Variants in SLC39A11 observed in about 807,000 individuals in gnomAD.
SLC39A11 encodes the protein zinc transporter ZIP11.
Under a neutral mutation model 36.1 loss-of-function variants are expected in SLC39A11, and 33 were observed. The ratio of observed to expected loss-of-function variants is 0.91; its 90% confidence interval spans 0.69 to 1.22. The LOEUF (loss-of-function observed/expected upper bound fraction) is 1.22. SLC39A11 is among the 50% of genes most tolerant of loss of function. The pLI is 0.00. For missense variants in SLC39A11, 432 were observed against 430.3 expected (o/e 1.00, Z -0.03); for synonymous variants, 166 against 170.3 (o/e 0.97, Z 0.20).
Position 72,930,408 on chromosome 17 carries a change from G to A in SLC39A11, c.430+17344C>T, listed in dbSNP as rs368738237. 5.9e-5 allele frequency among the ~76,000 whole-genome samples: 9 copies of A among 152,196 alleles called. No individual in the cohort carries two copies. In the East Asian group the frequency reaches 9.6e-4, roughly 16 times the overall value. On this transcript the variant is annotated intron_variant, in intron 5 of 9. Transcript: ENST00000255559. ...TAGGATCCTGTCAGATACCAGTACA[G>A]AGTCTCTACCCTCATCCTACTGTTC...
At chr17:72,892,084 T>A (rs1250611814) in intron 5 of SLC39A11, among the ~76,000 whole-genome samples, 1 of 151,966 alleles carries the variant, frequency 6.6e-6, no homozygotes, top group East Asian at 1.9e-4. Flanking sequence ...TCCCTAGCAA[T>A]ATAAGGGAAA....
intron 6 of SLC39A11, among the ~76,000 whole-genome samples, chr17:72,756,647 C>T (rs9910640): frequency 0.042 from 6,370 of 152,190 alleles, 217 homozygotes; most frequent in African/African-American, 0.1. Context: ...GTGGATACTG[C>T]TTAATAGGTA....
In SLC39A11 at chr17:73,031,550, A is replaced by G. The variant is rs2058738624; in HGVS notation, c.306+6T>C. Reference sequence around the variant, plus strand: ...ATACGACAGCTAAAAGTAGAGTGGTACTCACCAAGTGAGGCATCAGGAGGT... The same window carrying G: ...ATACGACAGCTAAAAGTAGAGTGGTGCTCACCAAGTGAGGCATCAGGAGGT... On this transcript the variant is annotated splice_donor_region_variant and intron_variant, in intron 4 of 9. Coordinates refer to ENST00000255559, the MANE Select transcript of SLC39A11 (RefSeq NM_139177.4). 12 of 1,614,146 alleles carry G rather than the reference A, an allele frequency of 7.4e-6. No individual in the cohort carries two copies. The highest frequency in any genetic ancestry group is 9.3e-6 in the Non-Finnish European group (11 of 1,180,012).
At chr17:73,076,818 T>TA (rs72366672) in intron 3 of SLC39A11, among the ~76,000 whole-genome samples, 3 of 151,056 alleles carry the variant, frequency 2.0e-5, no homozygotes, top group South Asian at 2.1e-4. Context: ...TTTTTTTTTT[T>TA]ACATCTGAAT....
At chr17:73,003,888 C>T (rs576222841) in intron 4 of SLC39A11, among the ~76,000 whole-genome samples, 7 of 152,182 alleles carry the variant, frequency 4.6e-5, no homozygotes, top group South Asian at 2.1e-4. Flanking sequence ...GAGTTTGAGA[C>T]CAGCCTGGCC....
intron 4 of SLC39A11, among the ~76,000 whole-genome samples, chr17:72,956,796 T>C (rs2086267603): frequency 1.3e-5 from 2 of 152,214 alleles, no homozygotes; most frequent in Middle Eastern, 3.4e-3. Flanking sequence ...CAAAAATCCA[T>C]CAAAAGCCAC....
At chr17:72,944,903 A>C (rs1296706714) in intron 5 of SLC39A11, among the ~76,000 whole-genome samples, 1 of 152,246 alleles carries the variant, frequency 6.6e-6, no homozygotes, top group African/African-American at 2.4e-5. Flanking sequence ...AAACATGATA[A>C]TTCTGAAAGG....
intron 4 of SLC39A11, among the ~76,000 whole-genome samples, chr17:72,999,450 C>T (rs563540357): frequency 3.3e-4 from 51 of 152,284 alleles, no homozygotes; most frequent in Admixed American, 2.9e-3. Flanking sequence ...GGGAAAGATC[C>T]GCTCCAGGCT....
At chr17:72,939,026 T>C (rs1212162267) in intron 5 of SLC39A11, among the ~76,000 whole-genome samples, 6 of 152,274 alleles carry the variant, frequency 3.9e-5, no homozygotes, top group Non-Finnish European at 8.8e-5. Context: ...CTTCCTCCTT[T>C]GTATAAGACA....
intron 4 of SLC39A11, among the ~76,000 whole-genome samples, chr17:72,981,563 A>T (rs1453070148): frequency 6.6e-6 from 1 of 151,336 alleles, no homozygotes; most frequent in Non-Finnish European, 1.5e-5. Context: ...GTATACCAAA[A>T]TAGATTCTGG....
chr17:72,930,251 C>G (rs2084303671), intron 5 of SLC39A11, among the ~76,000 whole-genome samples: 1 of 152,296 alleles, frequency 6.6e-6, no homozygotes, highest in East Asian at 1.9e-4. Context: ...CCTTCCTGTT[C>G]CCTTGCTTTG....
chr17:72,964,573 G>A (rs749426257), intron 4 of SLC39A11, among the ~76,000 whole-genome samples: 31 of 152,214 alleles, frequency 2.0e-4, no homozygotes, highest in Non-Finnish European at 3.7e-4. Context: ...AATTGGGAAT[G>A]GGCGTGACAC....
In SLC39A11 at chr17:72,947,833, C is replaced by T. The variant is rs1201542396; in HGVS notation, c.349G>A (p.Gly117Ser). The T allele has an allele frequency of 2.5e-5, 41 of 1,614,010 alleles. No homozygotes were observed. The highest frequency in any genetic ancestry group is 3.1e-5 in the Non-Finnish European group (37 of 1,180,030). ...DPQTTLALNF[G>S]STLMKKKSDP... ...GACTTCTTCTTCATCAACGTAGAGCCGAAGTTCAGTGCCAGGGTCGTCTGG... is the reference window on the plus strand; with the variant it reads ...GACTTCTTCTTCATCAACGTAGAGCTGAAGTTCAGTGCCAGGGTCGTCTGG... Residue 117 changes from glycine to serine, a missense_variant, in exon 5 of 10, where the codon GGC becomes AGC. Physicochemically the swap from Gly to Ser is moderately conservative, Grantham distance 56 (BLOSUM62 0). Transcript: ENST00000255559.
At chr17:72,694,912 C>T (rs962972952) in intron 7 of SLC39A11, among the ~76,000 whole-genome samples, 2 of 152,216 alleles carry the variant, frequency 1.3e-5, no homozygotes, top group African/African-American at 4.8e-5. Context: ...GTCTCTGTCT[C>T]TCACTCCATC....
chr17:72,990,338 A>AG (rs1406096267), intron 4 of SLC39A11, among the ~76,000 whole-genome samples: 5 of 152,258 alleles, frequency 3.3e-5, no homozygotes, highest in African/African-American at 1.2e-4. Flanking sequence ...ATGACCAAGA[A>AG]GGAAAAAACC....
At chr17:72,781,539 T>A (rs949235526) in intron 6 of SLC39A11, among the ~76,000 whole-genome samples, 1 of 152,062 alleles carries the variant, frequency 6.6e-6, no homozygotes, top group African/African-American at 2.4e-5. Context: ...TTCTCCTGCC[T>A]CAGCCTCCCG....
At chr17:72,961,723 C>T (rs2086625893) in intron 4 of SLC39A11, among the ~76,000 whole-genome samples, 2 of 151,482 alleles carry the variant, frequency 1.3e-5, no homozygotes, top group African/African-American at 4.9e-5. Flanking sequence ...GAACATCACA[C>T]ACTGGGGCCT....
chr17:72,818,124 T>G (rs949208150), intron 6 of SLC39A11, among the ~76,000 whole-genome samples: 10 of 152,148 alleles, frequency 6.6e-5, no homozygotes, highest in Non-Finnish European at 1.5e-4. Flanking sequence ...GAACTACAAT[T>G]CAAGATGAGA....
intron 6 of SLC39A11, among the ~76,000 whole-genome samples, chr17:72,836,532 G>A (rs1422137291): frequency 1.3e-5 from 2 of 152,026 alleles, no homozygotes; most frequent in African/African-American, 2.4e-5. Context: ...GTAGAGATGG[G>A]GTTTCCCCAC....
Sources: gnomAD v4.1 joint callset for allele counts (sites outside exome capture counted in the v4.1 genomes callset) on GRCh38, gnomAD v4.1.1 for gene constraint, MANE v1.5 for transcripts, NCBI Gene and HGNC (gene_info 2026-07-23, HGNC 2026-07-21) for gene names.